RTTN: variants seen among roughly 807,000 people sequenced by gnomAD.
RTTN encodes the protein rotatin.
A neutral mutation model predicts 269.2 loss-of-function variants in RTTN; 182 were observed. The observed-to-expected ratio is 0.68, with a 90% CI of 0.60 to 0.76. The LOEUF is 0.76. Ranked by LOEUF, RTTN falls within the 30% of genes least tolerant of loss-of-function variation. The probability of loss-of-function intolerance (pLI) is 0.00; values close to 1 mark genes in which losing one functional copy is unlikely to be tolerated. For missense variants in RTTN, 2,545 were observed against 2,608.6 expected, an observed-to-expected ratio of 0.98 and a Z score of 0.53; for synonymous variants, 1,006 against 963.5, an observed-to-expected ratio of 1.04 and a Z score of -0.82.
intron 34 of RTTN, among the ~76,000 whole-genome samples, chr18:70,066,130 T>C (rs1473734289): frequency 6.6e-6 from 1 of 152,186 alleles, no homozygotes; most frequent in Non-Finnish European, 1.5e-5. Context: ...ATCATTTACA[T>C]AAATCAGTAA....
At chr18:70,202,442 A>T (rs1185970448) in intron 3 of RTTN, among the ~76,000 whole-genome samples, 1 of 152,238 alleles carries the variant, frequency 6.6e-6, no homozygotes, top group Non-Finnish European at 1.5e-5. Flanking sequence ...TATGTTCAGC[A>T]GTTCAGCTGC....
At chr18:70,166,259 C>T (rs1400649520) in intron 13 of RTTN, 71 bp from the exon 14 acceptor site, 2 of 1,499,080 alleles carry the variant, frequency 1.3e-6, no homozygotes, top group Non-Finnish European at 1.8e-6. Context: ...GCAAAGCATA[C>T]TGGAAGGGAT....
chr18:70,075,788 T>C (rs2058413983), intron 32 of RTTN, among the ~76,000 whole-genome samples: 1 of 152,064 alleles, frequency 6.6e-6, no homozygotes, highest in South Asian at 2.1e-4. Context: ...AGGGGCCATT[T>C]CATTTAAAAT....
chr18:70,032,354 T>C (rs7230563), intron 40 of RTTN, among the ~76,000 whole-genome samples: 14,078 of 152,182 alleles, frequency 0.093, 2,174 homozygotes, highest in African/African-American at 0.32. Flanking sequence ...CAGAGTGCTC[T>C]AGCAGAGTGA....
At chr18:70,048,375 T>C (rs2057553714) in intron 39 of RTTN, among the ~76,000 whole-genome samples, 187 bp from the exon 40 acceptor site, 1 of 152,216 alleles carries the variant, frequency 6.6e-6, no homozygotes, top group African/African-American at 2.4e-5. Context: ...TATGCAGTGT[T>C]GGCACAATGT....
chr18:70,167,663 C>T (rs2145916582), intron 12 of RTTN, among the ~76,000 whole-genome samples: 1 of 150,756 alleles, frequency 6.6e-6, no homozygotes. Flanking sequence ...AAGACTGCAC[C>T]ACTGCACTCC....
At chr18:70,010,943 G>C (rs1264481541) in intron 46 of RTTN, among the ~76,000 whole-genome samples, 2 of 152,200 alleles carry the variant, frequency 1.3e-5, no homozygotes, top group African/African-American at 4.8e-5. Flanking sequence ...ACTACCATCA[G>C]AGAATATTAT....
At chr18:70,028,881 T>G (rs762385701) in intron 42 of RTTN, 80 bp from the exon 43 acceptor site, 1 of 953,900 alleles carries the variant, frequency 1.0e-6, no homozygotes, top group Non-Finnish European at 1.6e-6. Flanking sequence ...CCCTCCCCTT[T>G]GGGTCACGGG....
chr18:70,027,503 A>G (rs558047508), intron 43 of RTTN, among the ~76,000 whole-genome samples: 2 of 152,362 alleles, frequency 1.3e-5, no homozygotes, highest in South Asian at 2.1e-4. Flanking sequence ...CACAATATTT[A>G]TAACTAGTAG....
chr18:70,131,227 A>G (rs1287682926), intron 23 of RTTN: 2 of 151,412 alleles, frequency 1.3e-5, no homozygotes, highest in Non-Finnish European at 2.9e-5. Context: ...AAAAAAACAA[A>G]TTCTCAGATG....
chr18:70,134,797 C>A (rs997306669), intron 22 of RTTN, among the ~76,000 whole-genome samples: 3 of 152,196 alleles, frequency 2.0e-5, no homozygotes, highest in Middle Eastern at 3.4e-3. Flanking sequence ...GGACTTTGTG[C>A]GTCTCCTCCC....
intron 34 of RTTN, among the ~76,000 whole-genome samples, chr18:70,069,528 G>C (rs1369214362): frequency 6.6e-6 from 1 of 152,102 alleles, no homozygotes; most frequent in Non-Finnish European, 1.5e-5. Context: ...GAAAATAGCA[G>C]AGTCATTTGC....
At chr18:70,147,272 T>C (rs1181845233) in intron 17 of RTTN, among the ~76,000 whole-genome samples, 1 of 152,170 alleles carries the variant, frequency 6.6e-6, no homozygotes, top group African/African-American at 2.4e-5. Flanking sequence ...AGGATTATAT[T>C]ACTATATTTT....
At chr18:70,007,139 C>T (rs1439020278) in intron 46 of RTTN, 3 of 152,304 alleles carry the variant, frequency 2.0e-5, no homozygotes, top group African/African-American at 7.2e-5. Context: ...TGTCGCCTCA[C>T]CCAGGAATCA....
intron 25 of RTTN, among the ~76,000 whole-genome samples, chr18:70,126,176 T>G (rs972340412): frequency 3.3e-5 from 5 of 152,106 alleles, no homozygotes; most frequent in Non-Finnish European, 5.9e-5. Flanking sequence ...TCTAAAGGCT[T>G]CCACTGACCC....
chr18:70,104,145 C>T (rs1568385896), intron 28 of RTTN, among the ~76,000 whole-genome samples: 1 of 152,214 alleles, frequency 6.6e-6, no homozygotes, highest in Non-Finnish European at 1.5e-5. Flanking sequence ...TAGATTTGGT[C>T]TTTTCACATA....
intron 28 of RTTN, among the ~76,000 whole-genome samples, chr18:70,099,361 G>T (rs1264119131): frequency 2.0e-5 from 3 of 152,178 alleles, no homozygotes; most frequent in African/African-American, 7.2e-5. Context: ...TCATGTGTCT[G>T]TTGGCTGCAT....
chr18:70,049,593 A>T (rs945419188), intron 39 of RTTN, among the ~76,000 whole-genome samples: 1 of 151,962 alleles, frequency 6.6e-6, no homozygotes, highest in African/African-American at 2.4e-5. Context: ...AATAAATGTT[A>T]AAAAAAATCG....
rs765767348 is a variant in RTTN, at chr18:70,150,563, GTATC to G, written c.2055+41_2055+44del. The G allele has an allele frequency of 2.5e-6, 4 of 1,578,554 alleles. No homozygotes were observed. In the South Asian group the frequency reaches 3.3e-5, roughly 13 times the overall value. On this transcript the variant is annotated intron_variant, in intron 15 of 48. Transcript: ENST00000640769. ...TAGAATATCACCTTGATTTAGCTGA[GTATC>G]TAAGTTACTGTAATATTTTCACTCA...
Sources: allele counts gnomAD v4.1 joint callset (sites outside exome capture counted in the v4.1 genomes callset), GRCh38; gene constraint gnomAD v4.1.1; transcripts MANE v1.5; gene names NCBI Gene and HGNC (gene_info 2026-07-23, HGNC 2026-07-21).